Variants in PIEZO2 observed in about 807,000 individuals in gnomAD.
PIEZO2 encodes piezo-type mechanosensitive ion channel component 2.
Under a neutral mutation model 337.3 loss-of-function variants are expected in PIEZO2, and 172 were observed. The observed-to-expected ratio is 0.51, with a 90% confidence interval of 0.45 to 0.58. The LOEUF (loss-of-function observed/expected upper bound fraction) is 0.58, where lower values mean the gene tolerates loss of function less well. PIEZO2 is among the 20% of genes least tolerant of loss of function. The pLI is 0.00. For synonymous variants in PIEZO2, 1,251 were observed against 1,228.5 expected (o/e 1.02, Z -0.38); for missense variants, 3,028 against 3,391.3 (o/e 0.89, Z 2.66).
At position 10,954,051 on chromosome 18, in the gene PIEZO2, A is replaced by G. The variant is rs1239227966; in HGVS notation, c.286+25484T>C. On this transcript the variant is annotated intron_variant, in intron 3 of 55. Transcript: ENST00000674853. The surrounding 1 kb of genome is among the most constrained non-coding windows in gnomAD (Gnocchi z 4.2). ...TTAGGGTCCCTTGAGGCTTAAAAAT[A>G]TAAGACAGCCTGTGAAATTTTAGGC... 6.6e-6 allele frequency among the ~76,000 whole-genome samples: 1 copy of G among 152,250 alleles called. No individual in the cohort carries two copies. Among genetic ancestry groups the G allele is most frequent in the Non-Finnish European group, 1.5e-5 (1 of 68,042 alleles).
In PIEZO2 at chr18:10,681,775, G is replaced by A. The variant is rs375744758; in HGVS notation, c.7687-22C>T. 193 of 1,549,778 alleles carry A rather than the reference G, an allele frequency of 1.2e-4. 3 individuals carry two copies. In the African/African-American group the frequency reaches 2.3e-3, roughly 19 times the overall value. ...TAGGCTGGAAAACAAAGAGAACAGT[G>A]TTGTCAATATTCCCCAGCTCTTCTC... On this transcript the variant is annotated intron_variant, in intron 50 of 55. Coordinates refer to ENST00000674853, the MANE Select transcript of PIEZO2 (RefSeq NM_001378183.1).
rs962166072 is a variant in PIEZO2, at chr18:10,942,113, C to T, written c.287-30885G>A. Among the ~76,000 whole-genome samples the T allele has an allele frequency of 1.3e-5, 2 of 152,214 alleles. No individual in the cohort carries two copies. The highest frequency in any genetic ancestry group is 2.4e-5 in the African/African-American group (1 of 41,450). On this transcript the variant is annotated intron_variant, in intron 3 of 55. Transcript: ENST00000674853. This position sits in a 1 kb window ranked among gnomAD's most constrained non-coding sequence, Gnocchi z 4.4. ...CATGTGGAACTGTAAGTCCAATAAA[C>T]CTCTTTCTTTTGTAAAATGCCTAGT...
rs1247370565 is a variant in PIEZO2 at position 10,953,410 on chromosome 18, GTTAA to G, written c.286+26121_286+26124del. On this transcript the variant is annotated intron_variant, in intron 3 of 55. Transcript: ENST00000674853. The surrounding 1 kb of genome is among the most constrained non-coding windows in gnomAD (Gnocchi z 5.2). ...CATTTAGGTTTATGATTTGTTTTGA[GTTAA>G]TTAATTTTTGTATATGGAGCAAATT... 6.6e-6 allele frequency among the ~76,000 whole-genome samples: 1 copy of G among 151,992 alleles called. No homozygotes were observed. Among genetic ancestry groups the G allele is most frequent in the Non-Finnish European group, 1.5e-5 (1 of 67,980 alleles).
At chr18:10,703,100 TGCCTTG>T (rs2035412941) in intron 42 of PIEZO2, among the ~76,000 whole-genome samples, 1 of 152,212 alleles carries the variant, frequency 6.6e-6, no homozygotes, top group Non-Finnish European at 1.5e-5. Context: ...GTGATCCTCC[TGCCTTG>T]GCCTCTTAAA....
In PIEZO2 at chr18:10,893,729, A is replaced by G. The variant is rs2042818201; in HGVS notation, c.329+17457T>C. On this transcript the variant is annotated intron_variant, in intron 4 of 55. Transcript: ENST00000674853. ...ATGGTATAAGAAATCATCATTTATT[A>G]TAGTTGTTAAATTTGGTGGGACCGA... 3 of 152,226 alleles carry G rather than the reference A, an allele frequency of 2.0e-5. No homozygotes were observed. In the South Asian group the frequency reaches 6.2e-4, roughly 32 times the overall value. 9.4% of individuals were successfully genotyped at this position (152,226 alleles called of 1,614,324 possible). A position where few individuals can be genotyped will look rare whatever the true frequency, so the allele number is the denominator to read the frequency against.
At position 11,125,587 on chromosome 18, in the gene PIEZO2, C is replaced by A. The variant is rs1470237972; in HGVS notation, c.64+22938G>T. Among the ~76,000 whole-genome samples the A allele has an allele frequency of 4.6e-5, 7 of 152,138 alleles. No homozygotes were observed. In the East Asian group the frequency reaches 1.2e-3, roughly 25 times the overall value. Reference sequence around the variant, plus strand: ...CACACTCCATTCCAAATAAAGATTACCCTGCAGAGAAGAGCATCCTGGTTT... The same window carrying A: ...CACACTCCATTCCAAATAAAGATTAACCTGCAGAGAAGAGCATCCTGGTTT... On this transcript the variant is annotated intron_variant, in intron 1 of 55. Coordinates refer to ENST00000674853, the MANE Select transcript of PIEZO2 (RefSeq NM_001378183.1). The surrounding 1 kb of genome is among the most constrained non-coding windows in gnomAD (Gnocchi z 4.4).
chr18:11,020,502 C>G (rs1313716710), intron 2 of PIEZO2, among the ~76,000 whole-genome samples: 1 of 152,170 alleles, frequency 6.6e-6, no homozygotes, highest in Non-Finnish European at 1.5e-5. Context: ...ATACCTGGCA[C>G]TGATGGACTT....
At chr18:11,117,732 A>G (rs1016321616) in intron 1 of PIEZO2, among the ~76,000 whole-genome samples, 13 of 152,196 alleles carry the variant, frequency 8.5e-5, no homozygotes, top group South Asian at 6.2e-4. Flanking sequence ...CCTTTAAAAC[A>G]TGTTGGGTGG....
chr18:10,898,426 A>C (rs571542004), intron 4 of PIEZO2, among the ~76,000 whole-genome samples: 3 of 152,278 alleles, frequency 2.0e-5, no homozygotes, highest in African/African-American at 4.8e-5. Context: ...GTCTCAAAAA[A>C]AAAAAGGAAA....
At chr18:10,874,115 C>G (rs116291778) in intron 4 of PIEZO2, among the ~76,000 whole-genome samples, 2,099 of 152,096 alleles carry the variant, frequency 0.014, 53 homozygotes, top group African/African-American at 0.048. Flanking sequence ...CTGAAACAAT[C>G]TAATAGTAAA....
chr18:10,675,413 A>T, intron 53 of PIEZO2, 125 bp from the exon 54 acceptor site: 2 of 531,568 alleles, frequency 3.8e-6, no homozygotes, highest in Non-Finnish European at 3.2e-6. Context: ...ATATCTGTAC[A>T]ATGTGTAGAC....
chr18:10,849,466 A>G (rs1191379305), intron 7 of PIEZO2, among the ~76,000 whole-genome samples: 2 of 152,238 alleles, frequency 1.3e-5, no homozygotes, highest in East Asian at 3.9e-4. Context: ...AGCCTCTCAG[A>G]GGCCACAGAT....
chr18:10,808,463 C>T (rs202019159), intron 7 of PIEZO2, among the ~76,000 whole-genome samples: 2 of 152,286 alleles, frequency 1.3e-5, no homozygotes, highest in East Asian at 3.9e-4. Flanking sequence ...TCTTCAAAGG[C>T]TGCATGCCTT....
chr18:10,920,221 T>C (rs9962256), intron 3 of PIEZO2, among the ~76,000 whole-genome samples: 8,290 of 152,154 alleles, frequency 0.054, 407 homozygotes, highest in African/African-American at 0.12. Flanking sequence ...ATTATCTTTC[T>C]ACATCTAGTC....
At chr18:10,887,873 C>T (rs1482059636) in intron 4 of PIEZO2, among the ~76,000 whole-genome samples, 1 of 152,172 alleles carries the variant, frequency 6.6e-6, no homozygotes, top group African/African-American at 2.4e-5. Context: ...CTCAGTTCAA[C>T]ACACTGGGAG....
chr18:10,723,951 A>G (rs9962537), intron 36 of PIEZO2, among the ~76,000 whole-genome samples: 7,023 of 152,236 alleles, frequency 0.046, 541 homozygotes, highest in African/African-American at 0.16. Context: ...AAAATGGGCA[A>G]GAGGATGTGG....
chr18:10,786,280 A>G (rs12454789), intron 16 of PIEZO2, among the ~76,000 whole-genome samples: 127,321 of 152,232 alleles, frequency 0.84, 53,425 homozygotes, highest in East Asian at 0.93. Context: ...CTGCTAGAAT[A>G]TAAGATCTAC....
intron 4 of PIEZO2, among the ~76,000 whole-genome samples, chr18:10,873,532 G>T (rs966386857): frequency 1.3e-5 from 2 of 152,050 alleles, no homozygotes; most frequent in African/African-American, 2.4e-5. Flanking sequence ...CCTACTGTTT[G>T]CAAGCTGATT....
chr18:10,722,742 G>T (rs1023819955), intron 36 of PIEZO2, among the ~76,000 whole-genome samples: 2 of 152,176 alleles, frequency 1.3e-5, no homozygotes, highest in African/African-American at 4.8e-5. Context: ...AAAGTTTATG[G>T]AAGAAGTCTG....
Sources: allele counts gnomAD v4.1 joint callset (sites outside exome capture counted in the v4.1 genomes callset), GRCh38; gene constraint gnomAD v4.1.1; non-coding constraint Gnocchi (gnomAD v3.1); transcripts MANE v1.5; gene names NCBI Gene and HGNC (gene_info 2026-07-23, HGNC 2026-07-21).